ATP10A: variants seen among roughly 807,000 people sequenced by gnomAD.
The protein encoded by ATP10A is ATPase phospholipid transporting 10A (putative).
ATP10A carries 111 observed loss-of-function variants against 147.8 expected under a neutral mutation model. The observed-to-expected ratio is 0.75, with a 90% confidence interval of 0.64 to 0.88. ATP10A has a LOEUF of 0.88. ATP10A is among the 40% of genes least tolerant of loss of function. ATP10A has a pLI of 0.00. For missense variants in ATP10A, 1,927 were observed against 1,959.0 expected (o/e 0.98, Z 0.31); for synonymous variants, 875 against 841.6 (o/e 1.04, Z -0.69).
At chr15:25,780,713 G>T (rs148338223) in intron 2 of ATP10A, among the ~76,000 whole-genome samples, 1 of 152,294 alleles carries the variant, frequency 6.6e-6, no homozygotes, top group East Asian at 1.9e-4. Flanking sequence ...AGCTAGGTAC[G>T]TGTTGACCAT....
intron 2 of ATP10A, among the ~76,000 whole-genome samples, chr15:25,754,191 T>C (rs1037925325): frequency 6.6e-6 from 1 of 152,200 alleles, no homozygotes; most frequent in African/African-American, 2.4e-5. Context: ...TGGAATGCAG[T>C]GGCGTGATCT....
At chr15:25,775,970 T>TC (rs1889586724) in intron 2 of ATP10A, among the ~76,000 whole-genome samples, 2 of 152,236 alleles carry the variant, frequency 1.3e-5, no homozygotes, top group Non-Finnish European at 2.9e-5. Context: ...CAACCGTCTA[T>TC]CCAACTTTTC....
intron 1 of ATP10A, among the ~76,000 whole-genome samples, chr15:25,840,842 A>T (rs570026818): frequency 4.3e-4 from 66 of 152,218 alleles, no homozygotes; most frequent in African/African-American, 1.5e-3. Flanking sequence ...TGCCATTCTG[A>T]TAGATGCGCA....
chr15:25,717,438 A>G (rs775005656), intron 8 of ATP10A, among the ~76,000 whole-genome samples: 13 of 152,220 alleles, frequency 8.5e-5, no homozygotes, highest in Non-Finnish European at 1.6e-4. Flanking sequence ...GCTAGACGAG[A>G]AAGTTTGAAT....
At chr15:25,741,364 G>A (rs1887575351) in intron 2 of ATP10A, among the ~76,000 whole-genome samples, 1 of 152,162 alleles carries the variant, frequency 6.6e-6, no homozygotes, top group African/African-American at 2.4e-5. Context: ...TCCCAAGAGG[G>A]CCTGCTGAGG....
At chr15:25,691,584 G>T in intron 15 of ATP10A, 131 bp downstream of exon 15, 2 of 832,714 alleles carry the variant, frequency 2.4e-6, no homozygotes, top group Non-Finnish European at 4.0e-6. Flanking sequence ...TTGAGCATCA[G>T]CTATATTAAG....
intron 3 of ATP10A, among the ~76,000 whole-genome samples, chr15:25,731,225 C>T (rs1902966668): frequency 6.6e-6 from 1 of 152,188 alleles, no homozygotes; most frequent in African/African-American, 2.4e-5. Flanking sequence ...TAAGAATGGT[C>T]ACCAAAGGAG....
At chr15:25,787,634 GA>G (rs1890231781) in intron 1 of ATP10A, among the ~76,000 whole-genome samples, 2 of 147,948 alleles carry the variant, frequency 1.4e-5, no homozygotes, top group African/African-American at 2.5e-5. Context: ...AAAAAAAGAA[GA>G]AAGAAAAAGA....
chr15:25,840,178 T>C (rs1892753737), intron 1 of ATP10A, among the ~76,000 whole-genome samples: 1 of 152,082 alleles, frequency 6.6e-6, no homozygotes, highest in Admixed American at 6.5e-5. Context: ...TTTCCTAACT[T>C]TTATTTTAGG....
chr15:25,682,133 AAT>A (rs939342534), intron 17 of ATP10A, among the ~76,000 whole-genome samples: 3 of 151,686 alleles, frequency 2.0e-5, no homozygotes, highest in Non-Finnish European at 4.4e-5. Context: ...AGGAAGTAGG[AAT>A]AGCACCTGAA....
At chr15:25,830,763 T>G (rs938794653) in intron 1 of ATP10A, among the ~76,000 whole-genome samples, 4 of 152,178 alleles carry the variant, frequency 2.6e-5, no homozygotes, top group Admixed American at 1.3e-4. Flanking sequence ...ATGGTCTATA[T>G]TAAACCTGTT....
At chr15:25,862,188 C>T (rs529449226) in intron 1 of ATP10A, 19 of 446,722 alleles carry the variant, frequency 4.3e-5, no homozygotes, top group South Asian at 3.0e-4. Flanking sequence ...CACTTTGCTG[C>T]TGTCCTGAGC....
At chr15:25,824,455 G>A (rs1892021570) in intron 1 of ATP10A, among the ~76,000 whole-genome samples, 1 of 144,204 alleles carries the variant, frequency 6.9e-6, no homozygotes, top group Non-Finnish European at 1.5e-5. Flanking sequence ...GCCTGGACAA[G>A]GGAGCAAGAC....
chr15:25,774,832 A>C (rs969796858), intron 2 of ATP10A, among the ~76,000 whole-genome samples: 2 of 152,218 alleles, frequency 1.3e-5, no homozygotes, highest in Non-Finnish European at 2.9e-5. Flanking sequence ...AGAATTAAAA[A>C]TTTAATCTAA....
At position 25,708,003 on chromosome 15, in the gene ATP10A, G is replaced by T. The variant is rs750431834; in HGVS notation, c.2548C>A (p.Arg850Ser). 1.2e-6 allele frequency: 2 copies of T among 1,614,124 alleles called. No homozygotes were observed. The highest frequency in any genetic ancestry group is 1.1e-5 in the South Asian group (1 of 91,082). ...AACAAGTGCAGGTTGGTCTCCAGGC[G>T]AATGGCAGACTGGAAGAGGAGCTCC... ...SEELLFQSAI[R>S]LETNLHLLGA... The change falls in exon 12 of 21, where the codon CGC (arginine) becomes AGC (serine). Residue 850 changes from arginine (R) to serine (S), a missense_variant. By Grantham distance (110) the Arg-to-Ser change is moderately radical. Coordinates refer to ENST00000555815, the MANE Select transcript of ATP10A (RefSeq NM_024490.4).
downstream of ATP10A, among the ~76,000 whole-genome samples, chr15:25,676,508 A>G (rs1899139096): frequency 6.6e-6 from 1 of 151,964 alleles, no homozygotes; most frequent in Non-Finnish European, 1.5e-5. Context: ...TAACTCCTAC[A>G]CCCACTTTTT....
chr15:25,714,036 G>A lies in ATP10A; in HGVS notation c.1982C>T (p.Pro661Leu), dbSNP rs1016252780. Reference protein sequence around the residue: ...LLRLEERLGQPTSAIASNGYS... With the variant: ...LLRLEERLGQLTSAIASNGYS... ...GCCGTTGCTGGCGATGGCCGAGGTG[G>A]GCTGGCCCAGCCTCTCCTCCAGCCT... is the stretch of plus-strand genomic sequence containing the variant. The change falls in exon 10 of 21, where the codon CCC becomes CTC. Residue 661 changes from proline to leucine, a missense_variant. Pro to Leu is a moderately conservative substitution (Grantham distance 98). Coordinates refer to ENST00000555815, the MANE Select transcript of ATP10A (RefSeq NM_024490.4). 3 of 1,611,428 alleles carry A rather than the reference G, an allele frequency of 1.9e-6. No individual in the cohort carries two copies. In the African/African-American group the frequency reaches 4.0e-5, roughly 22 times the overall value.
chr15:25,844,979 G>A (rs534540575), intron 1 of ATP10A, among the ~76,000 whole-genome samples: 4 of 152,344 alleles, frequency 2.6e-5, no homozygotes, highest in African/African-American at 7.2e-5. Flanking sequence ...AAGGGCCATA[G>A]CAAAGGGATG....
At chr15:25,713,545 C>A in intron 10 of ATP10A, 129 bp downstream of exon 10, 1 of 999,440 alleles carries the variant, frequency 1.0e-6, no homozygotes, top group Admixed American at 2.6e-5. Context: ...CCATGCAATT[C>A]TCCAATGGGC....
Sources: gnomAD v4.1 joint callset for allele counts (sites outside exome capture counted in the v4.1 genomes callset) on GRCh38, gnomAD v4.1.1 for gene constraint, MANE v1.5 for transcripts, NCBI Gene and HGNC (gene_info 2026-07-23, HGNC 2026-07-21) for gene names.